Variants in TPD52 observed in about 807,000 individuals in gnomAD.
TPD52 encodes prostate and colon associated protein.
Under a neutral mutation model 31.3 loss-of-function variants are expected in TPD52, and 17 were observed. That is an observed-to-expected ratio of 0.54 (90% CI 0.37 to 0.82). The LOEUF (loss-of-function observed/expected upper bound fraction) is 0.82. Among genes scored for constraint, TPD52 ranks in the 40% least tolerant of loss-of-function variants. The probability of loss-of-function intolerance (pLI) is 0.00; values close to 1 mark genes in which losing one functional copy is unlikely to be tolerated. For missense variants in TPD52, 212 were observed against 240.1 expected (o/e 0.88, Z 0.77); for synonymous variants, 83 against 89.6 (o/e 0.93, Z 0.42).
intron 1 of TPD52, among the ~76,000 whole-genome samples, chr8:80,106,839 CA>C (rs56251305): frequency 4.8e-5 from 7 of 146,594 alleles, no homozygotes; most frequent in African/African-American, 7.5e-5. Context: ...AAAAAAACCC[CA>C]AAAAAACATA....
chr8:80,170,619 A>T (rs1223943464), intron 1 of TPD52, among the ~76,000 whole-genome samples: 1 of 152,088 alleles, frequency 6.6e-6, no homozygotes, highest in East Asian at 1.9e-4. Flanking sequence ...TTCTTTTTTC[A>T]GCATTTATGT....
intron 1 of TPD52, among the ~76,000 whole-genome samples, chr8:80,167,920 C>T (rs759166715): frequency 1.3e-5 from 2 of 152,160 alleles, no homozygotes; most frequent in African/African-American, 4.8e-5. Flanking sequence ...AACATGAGAG[C>T]ACTCAAGTAT....
intron 1 of TPD52, among the ~76,000 whole-genome samples, chr8:80,076,734 G>C (rs1009656501): frequency 6.6e-6 from 1 of 152,074 alleles, no homozygotes; most frequent in African/African-American, 2.4e-5. Context: ...GAGTGCAGTG[G>C]TGTGATCTCA....
At chr8:80,148,666 C>T (rs1810370171) in intron 1 of TPD52, among the ~76,000 whole-genome samples, 2 of 152,074 alleles carry the variant, frequency 1.3e-5, no homozygotes, top group African/African-American at 4.8e-5. Context: ...AGAGAAAATG[C>T]TAAATAAAAG....
intron 1 of TPD52, among the ~76,000 whole-genome samples, chr8:80,154,743 AC>A (rs11329917): frequency 0.015 from 969 of 66,536 alleles, 19 homozygotes; most frequent in African/African-American, 0.033. Context: ...ACACACACAC[AC>A]ACACACACAA....
intron 1 of TPD52, among the ~76,000 whole-genome samples, chr8:80,101,038 T>C (rs373944128): frequency 4.6e-5 from 7 of 152,316 alleles, no homozygotes; most frequent in East Asian, 3.9e-4. Context: ...TACCAAGTGT[T>C]ACAGTGAGAT....
At chr8:80,154,727 AC>A (rs1317901087) in intron 1 of TPD52, among the ~76,000 whole-genome samples, 12 of 146,322 alleles carry the variant, frequency 8.2e-5, no homozygotes, top group Admixed American at 3.4e-4. Flanking sequence ...ACACACACAC[AC>A]ACACACACAC....
At chr8:80,070,662 T>C (rs1305050835) in intron 1 of TPD52, among the ~76,000 whole-genome samples, 1 of 152,186 alleles carries the variant, frequency 6.6e-6, no homozygotes, top group Non-Finnish European at 1.5e-5. Flanking sequence ...CACAGATGGG[T>C]ACCAGTCCAC....
intron 6 of TPD52, among the ~76,000 whole-genome samples, chr8:80,043,566 C>T (rs956139599): frequency 6.6e-6 from 1 of 152,150 alleles, no homozygotes; most frequent in African/African-American, 2.4e-5. Context: ...ATTTTCAGGT[C>T]CCACCCCAAC....
chr8:80,094,624 C>A (rs921309230), intron 1 of TPD52, among the ~76,000 whole-genome samples: 2 of 150,286 alleles, frequency 1.3e-5, no homozygotes, highest in Non-Finnish European at 3.0e-5. Context: ...ATGATCATAT[C>A]CCCAGGTAAG....
intron 7 of TPD52, among the ~76,000 whole-genome samples, chr8:80,039,369 C>G (rs901940005): frequency 6.6e-6 from 1 of 152,158 alleles, no homozygotes; most frequent in East Asian, 1.9e-4. Context: ...CCCAGCCTGA[C>G]ACCTGGGGTT....
intron 1 of TPD52, among the ~76,000 whole-genome samples, chr8:80,146,097 C>A (rs1810175110): frequency 6.6e-6 from 1 of 152,172 alleles, no homozygotes; most frequent in Non-Finnish European, 1.5e-5. Context: ...CATCACTGTG[C>A]AGAACAGAAA....
chr8:80,074,115 A>T (rs1814244587), intron 1 of TPD52, among the ~76,000 whole-genome samples: 1 of 152,226 alleles, frequency 6.6e-6, no homozygotes, highest in South Asian at 2.1e-4. Flanking sequence ...CTGGAAAATA[A>T]AGCTGCACAG....
intron 1 of TPD52, among the ~76,000 whole-genome samples, chr8:80,086,103 TTTTTTTTTTTTTAG>T (rs1815736129): frequency 6.8e-6 from 1 of 146,598 alleles, no homozygotes; most frequent in Non-Finnish European, 1.5e-5. Context: ...TTTTTTTGCT[TTTTTTTTTTTTTAG>T]TTTTTTTTTT....
In TPD52 at chr8:80,153,798, G is replaced by T. The variant is rs74601263; in HGVS notation, c.19+17627C>A. Among the ~76,000 whole-genome samples the T allele has an allele frequency of 9.9e-3, 1,510 of 152,296 alleles. 25 individuals carry two copies. Among genetic ancestry groups the T allele is most frequent in the African/African-American group, 0.034 (1,396 of 41,552 alleles). On this transcript the variant is annotated intron_variant, in intron 1 of 7. Transcript: ENST00000518937. Reference sequence around the variant, plus strand: ...AAACAGGAAAAGGGAAAATACATCTGCCCAGGGCTGATGTGAGGGACAAAC... The same window carrying T: ...AAACAGGAAAAGGGAAAATACATCTTCCCAGGGCTGATGTGAGGGACAAAC...
intron 1 of TPD52, among the ~76,000 whole-genome samples, chr8:80,110,029 T>C (rs746931310): frequency 6.6e-5 from 10 of 152,172 alleles, no homozygotes; most frequent in Non-Finnish European, 1.2e-4. Flanking sequence ...AAATGCCCAC[T>C]GCCATAACTA....
At chr8:80,147,649 T>G (rs1246736395) in intron 1 of TPD52, among the ~76,000 whole-genome samples, 1 of 152,128 alleles carries the variant, frequency 6.6e-6, no homozygotes, top group African/African-American at 2.4e-5. Context: ...GCCCCCACCA[T>G]CATCCTTACA....
chr8:80,125,821 G>A (rs1263455588), intron 1 of TPD52, among the ~76,000 whole-genome samples: 1 of 152,156 alleles, frequency 6.6e-6, no homozygotes, highest in Non-Finnish European at 1.5e-5. Context: ...AACCTTGTCA[G>A]TCTCTAAGGT....
intron 1 of TPD52, among the ~76,000 whole-genome samples, chr8:80,142,763 C>T (rs75666056): frequency 2.2e-4 from 34 of 152,314 alleles, no homozygotes; most frequent in African/African-American, 7.9e-4. Context: ...CTTACCCCTA[C>T]ACTCTCCCTT....
Sources: allele counts gnomAD v4.1 joint callset (sites outside exome capture counted in the v4.1 genomes callset), GRCh38; gene constraint gnomAD v4.1.1; transcripts MANE v1.5; gene names NCBI Gene and HGNC (gene_info 2026-07-23, HGNC 2026-07-21).